ADAMTSL1: variants seen among roughly 807,000 people sequenced by gnomAD.
The protein encoded by ADAMTSL1 is ADAMTS like 1, also known as ADAMTS-like protein 1.
A neutral mutation model predicts 201.8 loss-of-function variants in ADAMTSL1; 126 were observed. The ratio of observed to expected loss-of-function variants is 0.62; its 90% confidence interval spans 0.54 to 0.72. The LOEUF is 0.72. Ranked by LOEUF, ADAMTSL1 falls within the 30% of genes least tolerant of loss-of-function variation. ADAMTSL1 has a pLI of 0.00. For synonymous variants in ADAMTSL1, 1,121 were observed against 903.4 expected (o/e 1.24, Z -4.32); for missense variants, 2,679 against 2,277.8 (o/e 1.18, Z -3.59).
chr9:18,689,481 G>A (rs1831078153), intron 13 of ADAMTSL1, among the ~76,000 whole-genome samples: 1 of 151,746 alleles, frequency 6.6e-6, no homozygotes, highest in Non-Finnish European at 1.5e-5. Context: ...GCCACCTAAT[G>A]CCCTAGAAGG....
chr9:18,125,458 G>A (rs1156382820), intron 1 of ADAMTSL1, among the ~76,000 whole-genome samples: 2 of 151,926 alleles, frequency 1.3e-5, no homozygotes, highest in Non-Finnish European at 2.9e-5. Context: ...TTTTTTTCTT[G>A]GTTTCTTATG....
At chr9:18,283,934 G>GAAGA (rs1022268955) in intron 2 of ADAMTSL1, among the ~76,000 whole-genome samples, 1 of 47,818 alleles carries the variant, frequency 2.1e-5, no homozygotes, top group African/African-American at 8.2e-5. Context: ...AAAAAAAGAA[G>GAAGA]AAGAAGAAGA....
At chr9:18,406,038 G>A (rs1818178281) in intron 2 of ADAMTSL1, among the ~76,000 whole-genome samples, 1 of 152,184 alleles carries the variant, frequency 6.6e-6, no homozygotes, top group Non-Finnish European at 1.5e-5. Flanking sequence ...TTATAGTTCA[G>A]ATACCCATGA....
At chr9:18,878,660 G>A (rs1828327529) in intron 23 of ADAMTSL1, among the ~76,000 whole-genome samples, 1 of 152,214 alleles carries the variant, frequency 6.6e-6, no homozygotes, top group African/African-American at 2.4e-5. Flanking sequence ...ACCTGCAGTG[G>A]CAAGCTGCTT....
At chr9:18,595,307 G>T (rs1415806351) in intron 4 of ADAMTSL1, among the ~76,000 whole-genome samples, 1 of 152,122 alleles carries the variant, frequency 6.6e-6, no homozygotes, top group Non-Finnish European at 1.5e-5. Flanking sequence ...GAAGGAGGCT[G>T]GTGGTCTGTC....
At chr9:18,368,975 C>A (rs1836913138) in intron 2 of ADAMTSL1, among the ~76,000 whole-genome samples, 1 of 152,094 alleles carries the variant, frequency 6.6e-6, no homozygotes, top group South Asian at 2.1e-4. Context: ...TTTGTTTATA[C>A]CCAGAATGAG....
At chr9:18,325,112 G>A (rs755343052) in intron 2 of ADAMTSL1, among the ~76,000 whole-genome samples, 2 of 152,196 alleles carry the variant, frequency 1.3e-5, no homozygotes, top group Non-Finnish European at 2.9e-5. Flanking sequence ...AGAATGCAGA[G>A]CAACCAGAAT....
chr9:18,328,244 C>T (rs545999844), intron 2 of ADAMTSL1, among the ~76,000 whole-genome samples: 34 of 152,222 alleles, frequency 2.2e-4, no homozygotes, highest in Non-Finnish European at 3.7e-4. Flanking sequence ...TGTTCTCAGC[C>T]GAATATAATG....
At chr9:18,070,660 G>A (rs755123957) in intron 1 of ADAMTSL1, among the ~76,000 whole-genome samples, 1 of 152,144 alleles carries the variant, frequency 6.6e-6, no homozygotes, top group Non-Finnish European at 1.5e-5. Context: ...AAAATCTTGG[G>A]AAATGATAAG....
intron 1 of ADAMTSL1, among the ~76,000 whole-genome samples, chr9:18,102,826 G>T (rs1170665031): frequency 1.3e-5 from 2 of 152,198 alleles, no homozygotes; most frequent in Non-Finnish European, 2.9e-5. Flanking sequence ...TGTGGATACA[G>T]GGAGTTTTCA....
intron 2 of ADAMTSL1, among the ~76,000 whole-genome samples, chr9:18,176,873 G>A (rs865791343): frequency 6.6e-6 from 1 of 152,164 alleles, no homozygotes; most frequent in African/African-American, 2.4e-5. Flanking sequence ...ATATCATCCT[G>A]TTAATAGGAA....
chr9:18,541,651 C>T (rs1820156941), intron 3 of ADAMTSL1, among the ~76,000 whole-genome samples: 1 of 152,176 alleles, frequency 6.6e-6, no homozygotes, highest in African/African-American at 2.4e-5. Context: ...CCTCTTGAAT[C>T]CTGAGCTGCC....
At position 18,904,732 on chromosome 9, in the gene ADAMTSL1, C is replaced by CTTTT. The variant is rs373922316; in HGVS notation, c.4852-1034_4852-1031dup. On this transcript the variant is annotated intron_variant, in intron 26 of 28. Transcript: ENST00000380548. ...ATCCCAGTCATTGGTGTTAAGGGGG[C>CTTTT]TTTTTTTTTTTTTTTTTTTACATTT... Among the ~76,000 whole-genome samples the CTTTT allele has an allele frequency of 1.2e-3, 66 of 55,246 alleles. 8 individuals are homozygous for CTTTT. The highest frequency in any genetic ancestry group is 3.8e-3 in the African/African-American group (56 of 14,570). 36.2% of individuals were successfully genotyped at this position (55,246 alleles called of 152,430 possible).
At chr9:18,063,413 C>G (rs1327271921) in intron 1 of ADAMTSL1, among the ~76,000 whole-genome samples, 1 of 152,176 alleles carries the variant, frequency 6.6e-6, no homozygotes, top group Admixed American at 6.5e-5. Context: ...TAAGGGCAGA[C>G]TTTAGAAACC....
At chr9:18,221,173 CA>C (rs1398429447) in intron 2 of ADAMTSL1, among the ~76,000 whole-genome samples, 1 of 152,158 alleles carries the variant, frequency 6.6e-6, no homozygotes, top group Non-Finnish European at 1.5e-5. Flanking sequence ...TGTTTAATTT[CA>C]ATCACCTCAC....
chr9:18,862,887 G>C (rs1827297309), intron 23 of ADAMTSL1, among the ~76,000 whole-genome samples: 1 of 152,158 alleles, frequency 6.6e-6, no homozygotes, highest in Non-Finnish European at 1.5e-5. Context: ...AAAAAATGCT[G>C]ATGTGTTTTT....
At chr9:18,681,702 G>GGGT in intron 11 of ADAMTSL1, 110 bp from the exon 12 acceptor site, 3 of 507,916 alleles carry the variant, frequency 5.9e-6, no homozygotes, top group Non-Finnish European at 8.7e-6. Context: ...TCGTGTGGGG[G>GGGT]GGGGGGGCGG....
chr9:18,157,146 T>A (rs1827191773), intron 1 of ADAMTSL1, among the ~76,000 whole-genome samples: 1 of 152,018 alleles, frequency 6.6e-6, no homozygotes, highest in African/African-American at 2.4e-5. Context: ...TCATAACAAG[T>A]TAGAGAAATG....
At chr9:18,592,150 G>C (rs911432446) in intron 4 of ADAMTSL1, among the ~76,000 whole-genome samples, 1 of 152,078 alleles carries the variant, frequency 6.6e-6, no homozygotes, top group Non-Finnish European at 1.5e-5. Flanking sequence ...GGATCAGATT[G>C]GCAGCAAAAC....
Sources: gnomAD v4.1 joint callset for allele counts (sites outside exome capture counted in the v4.1 genomes callset) on GRCh38, gnomAD v4.1.1 for gene constraint, MANE v1.5 for transcripts, NCBI Gene and HGNC (gene_info 2026-07-23, HGNC 2026-07-21) for gene names.